Variants in NEBL observed in about 807,000 individuals in gnomAD.
NEBL encodes nebulette.
A neutral mutation model predicts 140.2 loss-of-function variants in NEBL; 122 were observed. The observed-to-expected ratio is 0.87, with a 90% CI of 0.75 to 1.01. NEBL has a LOEUF of 1.01. Ranked by LOEUF, NEBL falls within the 50% of genes least tolerant of loss-of-function variation. NEBL has a pLI of 0.00. For missense variants in NEBL, 1,365 were observed against 1,231.3 expected, an observed-to-expected ratio of 1.11 and a Z score of -1.62; for synonymous variants, 436 against 398.9, an observed-to-expected ratio of 1.09 and a Z score of -1.11.
chr10:21,289,058 A>G (rs1454788507), intron 1 of NEBL, among the ~76,000 whole-genome samples: 1 of 151,242 alleles, frequency 6.6e-6, no homozygotes, highest in Non-Finnish European at 1.5e-5. Context: ...CATCTTGGCC[A>G]GGCTGGTCTT....
At chr10:20,861,034 GAACTCTTTAAAAAAAGAA>G (rs1843646079) in intron 7 of NEBL, among the ~76,000 whole-genome samples, 1 of 151,830 alleles carries the variant, frequency 6.6e-6, no homozygotes, top group African/African-American at 2.4e-5. Context: ...TAATCAGCAA[GAACTCTTTAAAAAAAGAA>G]AAACTGACTT....
intron 4 of NEBL, among the ~76,000 whole-genome samples, chr10:20,943,231 C>G (rs1467219201): frequency 6.6e-6 from 1 of 152,202 alleles, no homozygotes; most frequent in Non-Finnish European, 1.5e-5. Flanking sequence ...AAATGTGGCA[C>G]ATATACACCA....
rs549675839 is a variant in NEBL, at chr10:21,131,942, T to C, written c.164+40441A>G. ...TTTCTGCAAAAAGGCAGATACAGCT[T>C]TCTTTTTTATTTTTGTATATGTATG... On this transcript the variant is annotated intron_variant, in intron 2 of 6. Coordinates refer to the NEBL transcript ENST00000417816. Among the ~76,000 whole-genome samples, 5 of 152,326 alleles carry C rather than the reference T, an allele frequency of 3.3e-5. No homozygotes were observed. In the East Asian group the frequency reaches 9.6e-4, roughly 29 times the overall value.
intron 16 of NEBL, among the ~76,000 whole-genome samples, chr10:20,830,097 C>T (rs1473310972): frequency 3.3e-5 from 5 of 152,212 alleles, no homozygotes; most frequent in Non-Finnish European, 7.3e-5. Context: ...TCAGGATCAT[C>T]CCAGCGGCTG....
chr10:20,797,416 C>T (rs556063019), intron 26 of NEBL, among the ~76,000 whole-genome samples: 8 of 152,302 alleles, frequency 5.3e-5, no homozygotes, highest in Admixed American at 5.2e-4. Flanking sequence ...CGTAGTTTTA[C>T]ACTAGACATC....
chr10:20,852,544 C>G lies in NEBL; in HGVS notation c.1008+1G>C. The stretch of plus-strand genomic sequence containing the variant: ...TAGGTACCGTACGGGCAAGTGTGTA[C>G]CTGACTTTGGAGGACGGCATTGCCT... On this transcript the variant is annotated splice_donor_variant, in intron 10 of 27. Coordinates refer to ENST00000377122, the MANE Select transcript of NEBL (RefSeq NM_006393.3). LOFTEE classifies it high-confidence loss of function. The G allele has an allele frequency of 6.2e-7, 1 of 1,611,032 alleles. No individual in the cohort carries two copies.
intron 2 of NEBL, among the ~76,000 whole-genome samples, chr10:21,033,753 A>AAAAG (rs1554819851): frequency 8.2e-5 from 12 of 147,126 alleles, no homozygotes; most frequent in African/African-American, 2.3e-4. Flanking sequence ...AAAAAAAAAA[A>AAAAG]AAAGAAAGAA....
chr10:20,869,790 C>T lies in NEBL; in HGVS notation c.532G>A (p.Asp178Asn), dbSNP rs1405996697. 6.2e-7 allele frequency: 1 copy of T among 1,613,618 alleles called. No homozygotes were observed. The highest frequency in any genetic ancestry group is 1.1e-5 in the South Asian group (1 of 91,052). ...QDTHTYSAEL[D>N]RPDIKMATQI... The stretch of plus-strand genomic sequence containing the variant: ...GTTGCCATCTTGATGTCTGGTCGGT[C>T]AAGTTCTGCACTGTACGTGTGGGTG... The change falls in exon 6 of 28, where the codon GAC becomes AAC. Residue 178 changes from aspartate (D) to asparagine (N), a missense_variant. Coordinates refer to ENST00000377122, the MANE Select transcript of NEBL (RefSeq NM_006393.3).
intron 2 of NEBL, among the ~76,000 whole-genome samples, chr10:21,041,848 T>G (rs760379649): frequency 1.4e-4 from 21 of 152,224 alleles, no homozygotes; most frequent in Admixed American, 2.6e-4. Context: ...CTCCCCACTT[T>G]AGACCATATA....
At chr10:20,961,790 G>C (rs745879953) in intron 3 of NEBL, 1 of 1,600,418 alleles carries the variant, frequency 6.2e-7, no homozygotes, top group Non-Finnish European at 8.6e-7. Flanking sequence ...CTAACAAGAA[G>C]GGGGAAAAGA....
intron 3 of NEBL, among the ~76,000 whole-genome samples, chr10:21,190,295 T>C (rs1589322351): frequency 1.3e-5 from 2 of 151,180 alleles, no homozygotes; most frequent in African/African-American, 4.9e-5. Context: ...GCCTGGGCAA[T>C]ATAACAAGAC....
intron 7 of NEBL, among the ~76,000 whole-genome samples, chr10:20,865,897 TCTATTCAGGTA>T (rs1421339106): frequency 1.3e-5 from 2 of 152,098 alleles, no homozygotes; most frequent in Non-Finnish European, 2.9e-5. Flanking sequence ...TGTCACAGAG[TCTATTCAGGTA>T]CTGATCACTT....
intron 2 of NEBL, among the ~76,000 whole-genome samples, chr10:21,034,582 A>G (rs1031763022): frequency 2.0e-5 from 3 of 152,222 alleles, no homozygotes; most frequent in Non-Finnish European, 2.9e-5. Flanking sequence ...TATGACTACA[A>G]AAGCAATTTC....
At chr10:20,863,100 C>A (rs1408431694) in intron 7 of NEBL, among the ~76,000 whole-genome samples, 1 of 152,076 alleles carries the variant, frequency 6.6e-6, no homozygotes, top group Non-Finnish European at 1.5e-5. Flanking sequence ...GGAGAAAACA[C>A]GGATACTGTT....
chr10:21,007,814 A>T (rs1472363702), intron 3 of NEBL, among the ~76,000 whole-genome samples: 1 of 152,206 alleles, frequency 6.6e-6, no homozygotes. Flanking sequence ...CTCTGGAATC[A>T]GTAATATTTT....
intron 2 of NEBL, among the ~76,000 whole-genome samples, chr10:21,112,079 G>T (rs1378725681): frequency 6.6e-6 from 1 of 152,218 alleles, no homozygotes; most frequent in African/African-American, 2.4e-5. Context: ...TCATTGAAAA[G>T]TCAGGAAACA....
At chr10:20,947,681 T>TCA (rs5783757) in intron 4 of NEBL, among the ~76,000 whole-genome samples, 12,094 of 144,190 alleles carry the variant, frequency 0.084, 656 homozygotes, top group African/African-American at 0.16. Flanking sequence ...TACTGAGAAA[T>TCA]CACACACACA....
At chr10:20,913,585 A>T (rs1859485811) in intron 4 of NEBL, among the ~76,000 whole-genome samples, 1 of 152,206 alleles carries the variant, frequency 6.6e-6, no homozygotes. Flanking sequence ...AATAGCAAAA[A>T]AGTACAAAAA....
At chr10:20,907,732 A>C (rs1249737945) in intron 4 of NEBL, among the ~76,000 whole-genome samples, 1 of 152,180 alleles carries the variant, frequency 6.6e-6, no homozygotes, top group Non-Finnish European at 1.5e-5. Context: ...AAAAATTTTC[A>C]AGTGTTCAAC....
Sources: gnomAD v4.1 joint callset for allele counts (sites outside exome capture counted in the v4.1 genomes callset) on GRCh38, gnomAD v4.1.1 for gene constraint, MANE v1.5 for transcripts, NCBI Gene and HGNC (gene_info 2026-07-23, HGNC 2026-07-21) for gene names.